The following XXYLT1 variants were observed in gnomAD, a reference collection of about 807,000 sequenced individuals.
XXYLT1 encodes xyloside xylosyltransferase 1.
XXYLT1 carries 20 observed loss-of-function variants against 28.9 expected under a neutral mutation model. That is an observed-to-expected ratio of 0.69 (90% CI 0.49 to 1.00). The LOEUF is 1.00. XXYLT1 is among the 50% of genes least tolerant of loss of function. The pLI, the probability that XXYLT1 is intolerant of heterozygous loss-of-function variation, is 0.00. For synonymous variants in XXYLT1, 257 were observed against 253.8 expected, an observed-to-expected ratio of 1.01 and a Z score of -0.12; for missense variants, 542 against 560.1, an observed-to-expected ratio of 0.97 and a Z score of 0.33.
At chr3:195,141,074 T>C (rs1341499179) in intron 3 of XXYLT1, among the ~76,000 whole-genome samples, 1 of 152,182 alleles carries the variant, frequency 6.6e-6, no homozygotes, top group Non-Finnish European at 1.5e-5. Flanking sequence ...CCTCACCACA[T>C]ACCTGATCTG....
intron 3 of XXYLT1, among the ~76,000 whole-genome samples, chr3:195,118,145 G>A (rs922077895): frequency 3.3e-5 from 5 of 152,152 alleles, no homozygotes; most frequent in Admixed American, 6.5e-5. Flanking sequence ...TCCTGCCACC[G>A]GTGCTGAGCA....
intron 3 of XXYLT1, among the ~76,000 whole-genome samples, chr3:195,089,904 G>C (rs1422849695): frequency 4.6e-5 from 7 of 152,172 alleles, no homozygotes; most frequent in South Asian, 2.1e-4. Flanking sequence ...AGACTTTAAA[G>C]CAACAAAGAT....
At chr3:195,266,975 T>A (rs1310742777) in intron 1 of XXYLT1, among the ~76,000 whole-genome samples, 1 of 152,250 alleles carries the variant, frequency 6.6e-6, no homozygotes, top group Non-Finnish European at 1.5e-5. Flanking sequence ...TGCTTCCCTG[T>A]TCACAGATAA....
intron 3 of XXYLT1, among the ~76,000 whole-genome samples, chr3:195,111,071 C>T (rs1230596733): frequency 6.6e-6 from 1 of 152,062 alleles, no homozygotes; most frequent in Non-Finnish European, 1.5e-5. Flanking sequence ...CATGGGTCGG[C>T]AGGGCTGGAT....
At chr3:195,224,875 G>A (rs1030194257) in intron 2 of XXYLT1, among the ~76,000 whole-genome samples, 2 of 152,210 alleles carry the variant, frequency 1.3e-5, no homozygotes, top group African/African-American at 4.8e-5. Flanking sequence ...TCAGCCCTAG[G>A]CACATACGTG....
Position 195,256,357 on chromosome 3 carries a change from C to T in XXYLT1, c.504+14198G>A, listed in dbSNP as rs1446755453. ...GGCAACTGTGGCTCATTGACGGTGA[C>T]GATAAACCTGAGACAGCTCTGGTCA... is the stretch of plus-strand genomic sequence containing the variant. On this transcript the variant is annotated intron_variant, in intron 1 of 3. Coordinates refer to ENST00000310380, the MANE Select transcript of XXYLT1 (RefSeq NM_152531.5). This position sits in a 1 kb window ranked among gnomAD's most constrained non-coding sequence, Gnocchi z 4.2. 4 of 465,138 alleles carry T rather than the reference C, an allele frequency of 8.6e-6. No homozygotes were observed. Among genetic ancestry groups the T allele is most frequent in the African/African-American group, 4.3e-5 (2 of 47,030 alleles). The allele number at this position is 465,138 out of a possible 1,614,324, so 28.8% of individuals were successfully genotyped here. A position where few individuals can be genotyped will look rare whatever the true frequency, so the allele number is the denominator to read the frequency against.
intron 1 of XXYLT1, among the ~76,000 whole-genome samples, chr3:195,235,688 G>A (rs754590724): frequency 7.2e-5 from 11 of 152,138 alleles, no homozygotes; most frequent in Non-Finnish European, 1.3e-4. Context: ...TTCAAAGGAC[G>A]TGGGTGTTGT....
chr3:195,143,794 A>C lies in XXYLT1; in HGVS notation c.785+12655T>G, dbSNP rs913330208. On this transcript the variant is annotated intron_variant, in intron 3 of 3. Coordinates refer to ENST00000310380, the MANE Select transcript of XXYLT1 (RefSeq NM_152531.5). The stretch of plus-strand genomic sequence containing the variant: ...CCAAATGTTCTCTCATTATATATAT[A>C]TATATAGATAGATATATATAGATAT... 1.1e-3 allele frequency among the ~76,000 whole-genome samples: 124 copies of C among 116,786 alleles called. 4 individuals carry two copies. Among genetic ancestry groups the C allele is most frequent in the African/African-American group, 3.7e-3 (114 of 30,522 alleles). The allele number at this position is 116,786 out of a possible 152,430, so 76.6% of individuals were successfully genotyped here.
At chr3:195,189,960 G>T (rs934226971) in intron 2 of XXYLT1, among the ~76,000 whole-genome samples, 3 of 152,118 alleles carry the variant, frequency 2.0e-5, no homozygotes, top group Admixed American at 2.0e-4. Context: ...AGCAGCAAGA[G>T]AAAAACAATT....
At chr3:195,174,526 C>CA (rs959659727) in intron 2 of XXYLT1, among the ~76,000 whole-genome samples, 3 of 152,002 alleles carry the variant, frequency 2.0e-5, no homozygotes, top group Non-Finnish European at 4.4e-5. Flanking sequence ...TTTTAAAAGA[C>CA]AGAGTCTCAT....
chr3:195,106,469 G>A (rs149255629), intron 3 of XXYLT1, among the ~76,000 whole-genome samples: 1,980 of 152,286 alleles, frequency 0.013, 31 homozygotes, highest in African/African-American at 0.045. Context: ...CCCTTCTCCC[G>A]GGCCTCACGG....
intron 1 of XXYLT1, among the ~76,000 whole-genome samples, chr3:195,253,064 A>G (rs904880767): frequency 1.3e-5 from 2 of 152,174 alleles, no homozygotes; most frequent in African/African-American, 2.4e-5. Context: ...CTACCTGGAG[A>G]AGCAAGTCAC....
At chr3:195,260,472 A>G (rs2108853471) in intron 1 of XXYLT1, among the ~76,000 whole-genome samples, 1 of 152,220 alleles carries the variant, frequency 6.6e-6, no homozygotes, top group Non-Finnish European at 1.5e-5. Context: ...GGCACGGGGC[A>G]CCTGGAAAGC....
intron 2 of XXYLT1, among the ~76,000 whole-genome samples, chr3:195,182,961 A>G (rs528224200): frequency 6.6e-6 from 1 of 152,318 alleles, no homozygotes; most frequent in South Asian, 2.1e-4. Flanking sequence ...ATGTTATGAT[A>G]GCTTATATCA....
Position 195,271,145 on chromosome 3 carries a change from C to T in XXYLT1, c.-87G>A. On this transcript the variant is annotated 5_prime_UTR_variant, in exon 1 of 4. The change creates a premature stop within an existing upstream ORF in the 5' untranslated region. Transcript: ENST00000310380. ...CGCCGGCGGCCACTTAGCCCCGGCG[C>T]CAGGCGGCGGCCATGAAAGGGGCGG... 8.0e-7 allele frequency: 1 copy of T among 1,254,724 alleles called. No homozygotes were observed. Among genetic ancestry groups the T allele is most frequent in the Non-Finnish European group, 1.0e-6 (1 of 1,000,918 alleles). The allele number at this position is 1,254,724 out of a possible 1,614,324, so 77.7% of individuals were successfully genotyped here.
chr3:195,235,095 C>T (rs1461355380), intron 1 of XXYLT1, among the ~76,000 whole-genome samples: 2 of 151,856 alleles, frequency 1.3e-5, no homozygotes, highest in Non-Finnish European at 2.9e-5. Flanking sequence ...TGCTTGCTTT[C>T]TTTTCTCGCT....
chr3:195,212,680 A>G (rs781519907), intron 2 of XXYLT1, among the ~76,000 whole-genome samples: 2 of 152,152 alleles, frequency 1.3e-5, no homozygotes, highest in Non-Finnish European at 2.9e-5. Flanking sequence ...CATGCTCCTT[A>G]TGAGACTCTG....
At chr3:195,131,652 G>A (rs1718911715) in intron 3 of XXYLT1, among the ~76,000 whole-genome samples, 2 of 152,264 alleles carry the variant, frequency 1.3e-5, no homozygotes, top group African/African-American at 4.8e-5. Context: ...CTCCTTCTGC[G>A]AAGACCACTC....
intron 3 of XXYLT1, among the ~76,000 whole-genome samples, chr3:195,088,158 A>G (rs1224508165): frequency 6.6e-6 from 1 of 151,618 alleles, no homozygotes; most frequent in Non-Finnish European, 1.5e-5. Context: ...AGCAGCCGGG[A>G]AGCTCGAACT....
Sources: allele counts gnomAD v4.1 joint callset (sites outside exome capture counted in the v4.1 genomes callset), GRCh38; gene constraint gnomAD v4.1.1; non-coding constraint Gnocchi (gnomAD v3.1); transcripts MANE v1.5; gene names NCBI Gene and HGNC (gene_info 2026-07-23, HGNC 2026-07-21).